The following SLC7A2 variants were observed in gnomAD, a reference collection of about 807,000 sequenced individuals.
SLC7A2 encodes the protein cationic amino acid transporter 2.
A neutral mutation model predicts 58.9 loss-of-function variants in SLC7A2; 48 were observed. The ratio of observed to expected loss-of-function variants is 0.82; its 90% CI spans 0.65 to 1.04. SLC7A2 has a LOEUF of 1.04. Among genes scored for constraint, SLC7A2 ranks in the 50% least tolerant of loss-of-function variants. SLC7A2 has a pLI of 0.00. For synonymous variants in SLC7A2, 363 were observed against 314.5 expected, an observed-to-expected ratio of 1.15 and a Z score of -1.63; for missense variants, 1,029 against 818.8, an observed-to-expected ratio of 1.26 and a Z score of -3.13.
intron 9 of SLC7A2, 99 bp downstream of exon 9, chr8:17,558,496 T>C: frequency 1.5e-6 from 1 of 684,062 alleles, no homozygotes; most frequent in South Asian, 1.9e-5. Flanking sequence ...GAGCCAGCAG[T>C]CTCACCAAGG....
In SLC7A2 at chr8:17,525,534, A is replaced by G. The variant is rs114298265; in HGVS notation, c.-22-17784A>G. 2.2e-3 allele frequency among the ~76,000 whole-genome samples: 334 copies of G among 152,336 alleles called. 1 individual carries two copies. Among genetic ancestry groups the G allele is most frequent in the African/African-American group, 7.3e-3 (305 of 41,572 alleles). On this transcript the variant is annotated intron_variant, in intron 2 of 12. Transcript: ENST00000494857. ...ACTATACAGATACGGGTTTGGGTGT[A>G]TGAACAGTAGGAGTGGCGAGTCCTG... is the stretch of plus-strand genomic sequence containing the variant.
At position 17,569,406 on chromosome 8, in the gene SLC7A2, C is replaced by G. The variant is rs1004954692; in HGVS notation, c.*4260C>G. The G allele has an allele frequency of 1.3e-5, 2 of 152,182 alleles. No homozygotes were observed. The highest frequency in any genetic ancestry group is 4.8e-5 in the African/African-American group (2 of 41,440). 9.4% of individuals were successfully genotyped at this position (152,182 alleles called of 1,614,324 possible). ...GCACACTTTACTTGTTTATAAAGTT[C>G]TCCCACATGTCCTTAAATATCAAGG... On this transcript the variant is annotated 3_prime_UTR_variant, in exon 13 of 13. Coordinates refer to ENST00000494857, the MANE Select transcript of SLC7A2 (RefSeq NM_001370338.1).
chr8:17,502,815 C>A (rs1160402803), intron 2 of SLC7A2, among the ~76,000 whole-genome samples: 1 of 152,072 alleles, frequency 6.6e-6, no homozygotes, highest in East Asian at 1.9e-4. Context: ...AATCATAATT[C>A]TTCACGGCAC....
intron 2 of SLC7A2, among the ~76,000 whole-genome samples, chr8:17,536,299 T>A (rs1801663039): frequency 1.3e-5 from 2 of 152,184 alleles, no homozygotes; most frequent in Middle Eastern, 3.4e-3. Flanking sequence ...GTGCAGTGGT[T>A]CACGCCTGTA....
chr8:17,547,033 A>G (rs1802204381), intron 4 of SLC7A2, among the ~76,000 whole-genome samples: 1 of 152,190 alleles, frequency 6.6e-6, no homozygotes, highest in Non-Finnish European at 1.5e-5. Flanking sequence ...CTACATGTAC[A>G]TAATCTGTTG....
At position 17,569,444 on chromosome 8, in the gene SLC7A2, A is replaced by T. The variant is rs1026866885; in HGVS notation, c.*4298A>T. On this transcript the variant is annotated 3_prime_UTR_variant, in exon 13 of 13. Transcript: ENST00000494857. ...TTAAATATCAAGGGGGAAAGTATGG[A>T]TATTCGCGTAGCAATAATGCCAGCA... is the stretch of plus-strand genomic sequence containing the variant. The T allele has an allele frequency of 6.6e-6, 1 of 152,180 alleles. No individual in the cohort carries two copies. The highest frequency in any genetic ancestry group is 1.5e-5 in the Non-Finnish European group (1 of 68,036). 9.4% of individuals were successfully genotyped at this position (152,180 alleles called of 1,614,324 possible). A position where few individuals can be genotyped will look rare whatever the true frequency, so the allele number is the denominator to read the frequency against.
intron 6 of SLC7A2, 45 bp downstream of exon 6, chr8:17,550,479 T>C (rs1437769806): frequency 3.8e-6 from 6 of 1,577,272 alleles, no homozygotes; most frequent in Non-Finnish European, 5.2e-6. Flanking sequence ...TGTTCCTTGT[T>C]GTGCACGAGT....
At position 17,566,866 on chromosome 8, in the gene SLC7A2, C is replaced by T. The variant is rs1803289578; in HGVS notation, c.*1720C>T. 1 of 152,128 alleles carries T rather than the reference C, an allele frequency of 6.6e-6. No individual in the cohort carries two copies. Among genetic ancestry groups the T allele is most frequent in the African/African-American group, 2.4e-5 (1 of 41,402 alleles). 9.4% of individuals were successfully genotyped at this position (152,128 alleles called of 1,614,324 possible). A position where few individuals can be genotyped will look rare whatever the true frequency, so the allele number is the denominator to read the frequency against. ...AACATTACCAGGCATGCTAGCTGGC[C>T]CGTGTAATCCCAAGACAAGGAAAAC... On this transcript the variant is annotated 3_prime_UTR_variant, in exon 13 of 13. Transcript: ENST00000494857.
At chr8:17,530,223 G>A (rs376181910) in intron 2 of SLC7A2, among the ~76,000 whole-genome samples, 1 of 152,146 alleles carries the variant, frequency 6.6e-6, no homozygotes, top group Non-Finnish European at 1.5e-5. Flanking sequence ...GAGTCAGAAG[G>A]AAAGCTCAGG....
intron 2 of SLC7A2, among the ~76,000 whole-genome samples, chr8:17,525,861 G>A (rs1801202235): frequency 6.6e-6 from 1 of 152,142 alleles, no homozygotes; most frequent in Admixed American, 6.5e-5. Context: ...AAATAGGGAG[G>A]CTGAGTACTG....
In SLC7A2 at chr8:17,566,688, A is replaced by G. The variant is rs565862061; in HGVS notation, c.*1542A>G. On this transcript the variant is annotated 3_prime_UTR_variant, in exon 13 of 13. Coordinates refer to ENST00000494857, the MANE Select transcript of SLC7A2 (RefSeq NM_001370338.1). Reference sequence around the variant, plus strand: ...ATGAGTAAACAAATTTTTACATGTAAGATTCTCTAATTGTCATATTTTACT... The same window carrying G: ...ATGAGTAAACAAATTTTTACATGTAGGATTCTCTAATTGTCATATTTTACT... 1 of 152,218 alleles carries G rather than the reference A, an allele frequency of 6.6e-6. No individual in the cohort carries two copies. The allele number at this position is 152,218 out of a possible 1,614,324, so 9.4% of individuals were successfully genotyped here.
chr8:17,550,550 T>G lies in SLC7A2; in HGVS notation c.832+116T>G, dbSNP rs1802401490. 4.5e-6 allele frequency: 4 copies of G among 887,226 alleles called. No individual in the cohort carries two copies. In the East Asian group the frequency reaches 1.1e-4, roughly 24 times the overall value. 55.0% of individuals were successfully genotyped at this position (887,226 alleles called of 1,614,324 possible). A position where few individuals can be genotyped will look rare whatever the true frequency, so the allele number is the denominator to read the frequency against. On this transcript the variant is annotated intron_variant, in intron 6 of 12. Coordinates refer to ENST00000494857, the MANE Select transcript of SLC7A2 (RefSeq NM_001370338.1). ...GAGGGATTTCGGGTAAGAAGGGCAC[T>G]AGTTCCAGGCCCAGCTGTGACACGT...
At chr8:17,531,181 G>A (rs1801436388) in intron 2 of SLC7A2, among the ~76,000 whole-genome samples, 1 of 152,174 alleles carries the variant, frequency 6.6e-6, no homozygotes, top group Non-Finnish European at 1.5e-5. Context: ...AGACCTGAAG[G>A]TCAGATGAAA....
intron 8 of SLC7A2, among the ~76,000 whole-genome samples, chr8:17,557,261 A>G (rs1802750569): frequency 6.6e-6 from 1 of 152,264 alleles, no homozygotes; most frequent in South Asian, 2.1e-4. Flanking sequence ...ACTATGACAC[A>G]GAAAACTATA....
At chr8:17,501,279 C>A (rs2588204) in intron 1 of SLC7A2, among the ~76,000 whole-genome samples, 146,618 of 152,250 alleles carry the variant, frequency 0.96, 70,799 homozygotes, top group East Asian at 1. Context: ...TTTCCAAAGT[C>A]CTGGGATTAC....
chr8:17,496,801 C>G (rs924814246), upstream of SLC7A2, among the ~76,000 whole-genome samples: 23 of 152,134 alleles, frequency 1.5e-4, no homozygotes, highest in Non-Finnish European at 3.4e-4. Context: ...GTTTGGTCCT[C>G]CCAGGAGAGC....
intron 2 of SLC7A2, among the ~76,000 whole-genome samples, chr8:17,515,728 C>A (rs1585195371): frequency 6.6e-6 from 1 of 152,164 alleles, no homozygotes. Flanking sequence ...CTAAGCCTTA[C>A]TTTTCAGCCA....
intron 2 of SLC7A2, among the ~76,000 whole-genome samples, chr8:17,519,843 G>A (rs1800943557): frequency 1.1e-5 from 1 of 91,476 alleles, no homozygotes; most frequent in Admixed American, 8.9e-5. Flanking sequence ...TATTCTTTAT[G>A]ATGTCTCCTC....
At chr8:17,536,528 C>T (rs1238585363) in intron 2 of SLC7A2, among the ~76,000 whole-genome samples, 3 of 152,172 alleles carry the variant, frequency 2.0e-5, no homozygotes, top group Non-Finnish European at 4.4e-5. Context: ...TGCACCACTG[C>T]ACTCCAGCCT....
Sources: allele counts gnomAD v4.1 joint callset (sites outside exome capture counted in the v4.1 genomes callset), GRCh38; gene constraint gnomAD v4.1.1; transcripts MANE v1.5; gene names NCBI Gene and HGNC (gene_info 2026-07-23, HGNC 2026-07-21).